The following DDR2 variants were observed in gnomAD, a reference collection of about 807,000 sequenced individuals.
DDR2 encodes the protein discoidin domain receptor tyrosine kinase 2.
Under a neutral mutation model 94.9 loss-of-function variants are expected in DDR2, and 27 were observed. That is an observed-to-expected ratio of 0.28 (90% CI 0.21 to 0.39). The LOEUF is 0.39. Among genes scored for constraint, DDR2 ranks in the 10% least tolerant of loss-of-function variants. DDR2 has a pLI of 1.00. For synonymous variants in DDR2, 382 were observed against 377.2 expected, an observed-to-expected ratio of 1.01 and a Z score of -0.15; for missense variants, 783 against 1,076.0, an observed-to-expected ratio of 0.73 and a Z score of 3.81.
intron 3 of DDR2, among the ~76,000 whole-genome samples, chr1:162,736,111 C>T (rs970031063): frequency 6.6e-5 from 10 of 152,318 alleles, no homozygotes; most frequent in African/African-American, 1.9e-4. Context: ...AGCCTGGCTA[C>T]ACAGCACAGT....
At position 162,659,061 on chromosome 1, in the gene DDR2, T is replaced by A. The variant is rs141329972; in HGVS notation, c.-28+3687T>A. Among the ~76,000 whole-genome samples the A allele has an allele frequency of 2.6e-3, 393 of 152,242 alleles. 2 individuals are homozygous for A. The highest frequency in any genetic ancestry group is 9.0e-3 in the African/African-American group (373 of 41,544). On this transcript the variant is annotated intron_variant, in intron 2 of 17. Coordinates refer to ENST00000367921, the MANE Select transcript of DDR2 (RefSeq NM_006182.4). ...ATAAACTGTGGACAATATTTTTATT[T>A]ACCAAAAAGGTAACAAAGTTTATTG...
intron 2 of DDR2, among the ~76,000 whole-genome samples, chr1:162,681,313 G>T (rs1659385880): frequency 6.6e-6 from 1 of 152,132 alleles, no homozygotes; most frequent in African/African-American, 2.4e-5. Flanking sequence ...TAGATTGATT[G>T]AGAGTCTTTT....
chr1:162,676,690 G>T (rs1659142776), intron 2 of DDR2, among the ~76,000 whole-genome samples: 1 of 152,198 alleles, frequency 6.6e-6, no homozygotes, highest in African/African-American at 2.4e-5. Flanking sequence ...ATACTTTGGG[G>T]GAGCCAGTGA....
At chr1:162,653,070 A>C (rs1334538679) in intron 1 of DDR2, among the ~76,000 whole-genome samples, 1 of 152,098 alleles carries the variant, frequency 6.6e-6, no homozygotes, top group African/African-American at 2.4e-5. Context: ...ACGCCACTGC[A>C]CTCCAGCCTG....
At chr1:162,634,980 G>A (rs1470338478) in intron 1 of DDR2, among the ~76,000 whole-genome samples, 3 of 152,150 alleles carry the variant, frequency 2.0e-5, no homozygotes, top group African/African-American at 7.2e-5. Flanking sequence ...GGGTGGGGGT[G>A]GAGAGCCAGC....
intron 2 of DDR2, among the ~76,000 whole-genome samples, chr1:162,676,910 C>A (rs1659156213): frequency 6.6e-6 from 1 of 152,194 alleles, no homozygotes. Context: ...CCCTGTGATG[C>A]CCCATGCTCA....
At chr1:162,692,738 T>C (rs1660014007) in intron 2 of DDR2, among the ~76,000 whole-genome samples, 1 of 152,230 alleles carries the variant, frequency 6.6e-6, no homozygotes, top group Admixed American at 6.5e-5. Flanking sequence ...TTTGGCAATA[T>C]TTATTAAAAT....
chr1:162,739,788 A>G (rs1181438407), intron 3 of DDR2, among the ~76,000 whole-genome samples: 1 of 152,228 alleles, frequency 6.6e-6, no homozygotes, highest in Non-Finnish European at 1.5e-5. Context: ...GCAATGGAAG[A>G]CAGTGAATTA....
At chr1:162,747,011 G>A (rs1662906509) in intron 3 of DDR2, among the ~76,000 whole-genome samples, 1 of 152,098 alleles carries the variant, frequency 6.6e-6, no homozygotes, top group Non-Finnish European at 1.5e-5. Flanking sequence ...CCCATCTGTA[G>A]GTCACCATCA....
intron 7 of DDR2, 107 bp from the exon 8 acceptor site, chr1:162,759,689 G>A (rs1663621055): frequency 7.9e-7 from 1 of 1,261,156 alleles, no homozygotes; most frequent in Middle Eastern, 2.7e-4. Flanking sequence ...AAGATAATAA[G>A]CTCATACAAA....
intron 3 of DDR2, among the ~76,000 whole-genome samples, chr1:162,720,007 T>G (rs1051792096): frequency 1.3e-5 from 2 of 152,148 alleles, no homozygotes; most frequent in Non-Finnish European, 2.9e-5. Flanking sequence ...CTCAAACATT[T>G]TTCAAGCCAC....
At chr1:162,692,493 A>G (rs1660002762) in intron 2 of DDR2, among the ~76,000 whole-genome samples, 1 of 152,228 alleles carries the variant, frequency 6.6e-6, no homozygotes, top group Admixed American at 6.5e-5. Flanking sequence ...AAAAGGGAAA[A>G]GAGACCAGAA....
rs73024577 is a variant in DDR2 at position 162,719,884 on chromosome 1, A to C, written c.82+739A>C. Among the ~76,000 whole-genome samples, 1,155 of 152,130 alleles carry C rather than the reference A, an allele frequency of 7.6e-3. 19 individuals carry two copies. Among genetic ancestry groups the C allele is most frequent in the East Asian group, 0.034 (175 of 5,176 alleles). On this transcript the variant is annotated intron_variant, in intron 3 of 17. Coordinates refer to ENST00000367921, the MANE Select transcript of DDR2 (RefSeq NM_006182.4). ...CTGGCTATTGGCTCATCTAGGATGG[A>C]TGTGGCACTGATGAATGGGGCAACT...
chr1:162,747,794 C>T (rs191372221), intron 3 of DDR2, among the ~76,000 whole-genome samples: 22 of 152,308 alleles, frequency 1.4e-4, no homozygotes, highest in East Asian at 5.8e-4. Context: ...AGCCTAATAG[C>T]GGATCTCTCA....
In DDR2 at chr1:162,727,961, C is replaced by CTATATATA. The variant is rs71093202; in HGVS notation, c.82+8825_82+8832dup. On this transcript the variant is annotated intron_variant, in intron 3 of 17. Coordinates refer to ENST00000367921, the MANE Select transcript of DDR2 (RefSeq NM_006182.4). The stretch of plus-strand genomic sequence containing the variant: ...AAGTCGACAATCACACTATATATAT[C>CTATATATA]TATATATATATATATAGATATAATC... Among the ~76,000 whole-genome samples the CTATATATA allele has an allele frequency of 5.8e-5, 7 of 120,878 alleles. 1 individual carries two copies. In the Admixed American group the frequency reaches 6.2e-4, roughly 11 times the overall value. 79.3% of individuals were successfully genotyped at this position (120,878 alleles called of 152,430 possible).
rs757051385 is a variant in DDR2 at position 162,770,482 on chromosome 1, C to G, written c.1474C>G (p.Pro492Ala). Residue 492 changes from proline to alanine, a missense_variant, in exon 12 of 18, where the codon CCA (proline) becomes GCA (alanine). This residue lies in a region of DDR2 where 519 missense variants were observed against 647.9 expected (regional missense o/e 0.80). Transcript: ENST00000367921. ...QEPSRLIRKLPEFAPGEEESG... is the reference protein window; with the variant it reads ...QEPSRLIRKLAEFAPGEEESG... Reference sequence around the variant, plus strand: ...GCCATCCAGGCTGATACGAAAACTCCCAGAATTTGCTCCAGGGGAGGAGGA... The same window carrying G: ...GCCATCCAGGCTGATACGAAAACTCGCAGAATTTGCTCCAGGGGAGGAGGA... 6.2e-7 allele frequency: 1 copy of G among 1,614,080 alleles called. No individual in the cohort carries two copies. Among genetic ancestry groups the G allele is most frequent in the Non-Finnish European group, 8.5e-7 (1 of 1,180,040 alleles).
chr1:162,751,208 C>T (rs980116264), intron 3 of DDR2, among the ~76,000 whole-genome samples: 4 of 152,114 alleles, frequency 2.6e-5, no homozygotes, highest in Admixed American at 2.6e-4. Flanking sequence ...AGTGAACAGG[C>T]AACCTACAGA....
intron 3 of DDR2, among the ~76,000 whole-genome samples, chr1:162,734,547 A>T (rs958951691): frequency 2.6e-5 from 4 of 152,228 alleles, no homozygotes; most frequent in African/African-American, 9.6e-5. Context: ...ATAAGAGCAT[A>T]TAATAGAAAT....
At chr1:162,749,336 C>G (rs1031827035) in intron 3 of DDR2, among the ~76,000 whole-genome samples, 1 of 152,158 alleles carries the variant, frequency 6.6e-6, no homozygotes, top group African/African-American at 2.4e-5. Context: ...CACCACTGAT[C>G]CCACAGAATT....
Sources: gnomAD v4.1 joint callset for allele counts (sites outside exome capture counted in the v4.1 genomes callset) on GRCh38, gnomAD v4.1.1 for gene constraint, gnomAD v4.1.1 regional missense constraint, MANE v1.5 for transcripts, NCBI Gene and HGNC (gene_info 2026-07-23, HGNC 2026-07-21) for gene names.